BLTP3B: variants seen among roughly 807,000 people sequenced by gnomAD.
The protein encoded by BLTP3B is UHRF1 (ICBP90) binding protein 1-like.
chr12:100,047,392 G>A, the BLTP3B span: 2 of 563,638 alleles, frequency 3.5e-6, no homozygotes, highest in Non-Finnish European at 6.3e-6. Flanking sequence ...CAGCTACTCG[G>A]GAGGTTTAGG....
At chr12:100,130,927 T>C in the BLTP3B span, among the ~76,000 whole-genome samples, 5 of 114,210 alleles carry the variant, frequency 4.4e-5, no homozygotes, top group Non-Finnish European at 8.6e-5. Flanking sequence ...AAAAAATACA[T>C]ACATACATAC....
chr12:100,129,526 T>C, the BLTP3B span, among the ~76,000 whole-genome samples: 1 of 152,170 alleles, frequency 6.6e-6, no homozygotes, highest in Non-Finnish European at 1.5e-5. Context: ...TTCTAAAACA[T>C]TGCCAGGGCG....
At chr12:100,064,714 A>G in the BLTP3B span, among the ~76,000 whole-genome samples, 2 of 152,156 alleles carry the variant, frequency 1.3e-5, no homozygotes, top group Admixed American at 6.5e-5. Flanking sequence ...GTAAAGATAC[A>G]GTGTTTTTCA....
At chr12:100,047,737 T>C in the BLTP3B span, 49 of 1,086,142 alleles carry the variant, frequency 4.5e-5, no homozygotes, top group East Asian at 6.5e-4. Context: ...TCAGCTGATA[T>C]AGCGAGAAAA....
the BLTP3B span, among the ~76,000 whole-genome samples, chr12:100,055,151 C>A: frequency 4.0e-4 from 60 of 151,756 alleles, no homozygotes; most frequent in African/African-American, 1.5e-3. Flanking sequence ...TTTAAGAAGA[C>A]GTGTTTGTGT....
chr12:100,056,604 G>A, the BLTP3B span, among the ~76,000 whole-genome samples: 4 of 151,836 alleles, frequency 2.6e-5, no homozygotes, highest in African/African-American at 4.8e-5. Context: ...TTGGGACGCC[G>A]AGGTGCACGG....
At chr12:100,109,196 CT>C in the BLTP3B span, among the ~76,000 whole-genome samples, 2 of 150,082 alleles carry the variant, frequency 1.3e-5, no homozygotes, top group Non-Finnish European at 3.0e-5. Flanking sequence ...CTCTCTCTCT[CT>C]CTCTCTCTCT....
At chr12:100,107,309 A>AAAAAG in the BLTP3B span, among the ~76,000 whole-genome samples, 20 of 141,560 alleles carry the variant, frequency 1.4e-4, no homozygotes, top group East Asian at 3.0e-3. Flanking sequence ...AAAAAAAAAA[A>AAAAAG]AAAGATAAGT....
chr12:100,098,931 T>TAGATATATAGATAGATAGAC, the BLTP3B span, among the ~76,000 whole-genome samples: 1 of 151,480 alleles, frequency 6.6e-6, no homozygotes, highest in Non-Finnish European at 1.5e-5. Context: ...GATAGATAGA[T>TAGATATATAGATAGATAGAC]AGACAGACAG....
chr12:100,099,630 C>T, the BLTP3B span, among the ~76,000 whole-genome samples: 1 of 151,060 alleles, frequency 6.6e-6, no homozygotes, highest in African/African-American at 2.4e-5. Context: ...GCCTGTGGTC[C>T]CAGATACTCA....
At chr12:100,086,363 G>T in the BLTP3B span, 6 of 374,960 alleles carry the variant, frequency 1.6e-5, no homozygotes, top group Non-Finnish European at 2.8e-5. Flanking sequence ...TTGACTCTGG[G>T]AAAAAAAAAG....
the BLTP3B span, chr12:100,057,674 G>A: frequency 6.2e-7 from 1 of 1,612,414 alleles, no homozygotes; most frequent in South Asian, 1.1e-5. Context: ...TTTGTGAAGA[G>A]CTTCTTTTCA....
chr12:100,075,168 C>A, the BLTP3B span, among the ~76,000 whole-genome samples: 1 of 152,012 alleles, frequency 6.6e-6, no homozygotes, highest in Admixed American at 6.6e-5. Context: ...CGCACCACCA[C>A]GCCCAGCTAA....
the BLTP3B span, chr12:100,059,088 T>C: frequency 6.2e-7 from 1 of 1,614,002 alleles, no homozygotes; most frequent in South Asian, 1.1e-5. Flanking sequence ...TCTTGTTGGT[T>C]GACAAATCCA....
chr12:100,105,252 T>C, the BLTP3B span, among the ~76,000 whole-genome samples: 1 of 151,826 alleles, frequency 6.6e-6, no homozygotes, highest in East Asian at 2.0e-4. Flanking sequence ...AAGTCTATAG[T>C]AACCAAAACA....
At chr12:100,063,387 C>G in the BLTP3B span, among the ~76,000 whole-genome samples, 350 of 152,228 alleles carry the variant, frequency 2.3e-3, 8 homozygotes, top group East Asian at 0.039. Context: ...CAGCCTGGCT[C>G]TCAGAATCCA....
At chr12:100,074,238 AAAC>A in the BLTP3B span, among the ~76,000 whole-genome samples, 23 of 152,216 alleles carry the variant, frequency 1.5e-4, no homozygotes, top group East Asian at 1.9e-3. Flanking sequence ...GCTGAAAGCC[AAAC>A]AACAACAACA....
At chr12:100,109,065 G>C in the BLTP3B span, among the ~76,000 whole-genome samples, 1 of 152,154 alleles carries the variant, frequency 6.6e-6, no homozygotes, top group Non-Finnish European at 1.5e-5. Flanking sequence ...GAAGGAGCTG[G>C]TGGGAGGTGA....
chr12:100,082,949 T>TAA, the BLTP3B span: 1 of 1,131,162 alleles, frequency 8.8e-7, no homozygotes, highest in Non-Finnish European at 1.3e-6. Flanking sequence ...TAGCATTTGT[T>TAA]ATTTAAGTTG....
Sources: gnomAD v4.1 joint callset for allele counts (sites outside exome capture counted in the v4.1 genomes callset) on GRCh38, gnomAD v4.1.1 for gene constraint, MANE v1.5 for transcripts, NCBI Gene and HGNC (gene_info 2026-07-23, HGNC 2026-07-21) for gene names.